The following ASTN2 variants were observed in gnomAD, a reference collection of about 807,000 sequenced individuals.
ASTN2 encodes astrotactin 2.
In ASTN2, 54 loss-of-function variants were observed where a neutral mutation model predicts 139.8. The observed-to-expected ratio is 0.39, with a 90% CI of 0.31 to 0.48. The LOEUF (loss-of-function observed/expected upper bound fraction) is 0.48, where lower values mean the gene tolerates loss of function less well. ASTN2 is among the 20% of genes least tolerant of loss of function. The pLI is 0.95. For missense variants in ASTN2, 1,565 were observed against 1,725.1 expected (o/e 0.91, Z 1.64); for synonymous variants, 756 against 719.5 (o/e 1.05, Z -0.81).
intron 10 of ASTN2, among the ~76,000 whole-genome samples, chr9:116,864,252 T>C (rs1588365044): frequency 2.0e-5 from 3 of 152,308 alleles, no homozygotes; most frequent in Non-Finnish European, 2.9e-5. Context: ...CCATGAAAGA[T>C]TGTGGGACTG....
chr9:117,145,101 C>T (rs1032002911), intron 3 of ASTN2, among the ~76,000 whole-genome samples: 10 of 152,060 alleles, frequency 6.6e-5, no homozygotes, highest in Non-Finnish European at 1.0e-4. Flanking sequence ...AGGTAATAAG[C>T]ATAGTACTTG....
chr9:117,192,396 A>AAAAAAAAAAG (rs1296797814), intron 3 of ASTN2, among the ~76,000 whole-genome samples: 108 of 152,264 alleles, frequency 7.1e-4, no homozygotes, highest in African/African-American at 2.6e-3. Flanking sequence ...GCAAAGAAAA[A>AAAAAAAAAAG]AAAGAAAACT....
intron 19 of ASTN2, chr9:116,586,165 T>C (rs1180076270): frequency 6.6e-6 from 1 of 152,212 alleles, no homozygotes; most frequent in African/African-American, 2.4e-5. Flanking sequence ...GATGAGGCTG[T>C]ACAGAAAGGG....
At chr9:116,979,559 T>C (rs1327590019) in intron 7 of ASTN2, among the ~76,000 whole-genome samples, 12 of 152,068 alleles carry the variant, frequency 7.9e-5, no homozygotes, top group Admixed American at 5.9e-4. Context: ...AATGCAACAG[T>C]CCCTTCATGA....
intron 1 of ASTN2, among the ~76,000 whole-genome samples, chr9:117,293,004 T>A (rs1834633172): frequency 1.3e-5 from 2 of 152,084 alleles, no homozygotes; most frequent in Non-Finnish European, 2.9e-5. Flanking sequence ...AAATGTTAGC[T>A]ACGAATTTTT....
At chr9:116,610,448 T>C (rs1318627693) in intron 19 of ASTN2, among the ~76,000 whole-genome samples, 1 of 151,932 alleles carries the variant, frequency 6.6e-6, no homozygotes, top group Non-Finnish European at 1.5e-5. Context: ...CTACTAAAAA[T>C]ACAAAAATTA....
chr9:116,756,504 C>T lies in ASTN2; in HGVS notation c.2397-22981G>A, dbSNP rs1329328045. Among the ~76,000 whole-genome samples, 3 of 152,114 alleles carry T rather than the reference C, an allele frequency of 2.0e-5. No individual in the cohort carries two copies. The East Asian group carries it at 5.8e-4, about 29-fold the overall frequency. ...TTTCTGTCATTAATTGTTTGTGGCT[C>T]TCCAGTAATTCCAAGTCTAACAGAT... On this transcript the variant is annotated intron_variant, in intron 13 of 22. Transcript: ENST00000313400.
chr9:116,961,171 C>T lies in ASTN2; in HGVS notation c.1889+14037G>A, dbSNP rs575176199. 7.9e-5 allele frequency among the ~76,000 whole-genome samples: 12 copies of T among 151,426 alleles called. 2 individuals carry two copies. The East Asian group carries it at 2.3e-3, about 30-fold the overall frequency. On this transcript the variant is annotated intron_variant, in intron 10 of 22. Transcript: ENST00000313400. ...AAAACCATTCTTTTTTCTCTTATTT[C>T]TTCCCCCCACCCAGCCCCCCACCAT...
intron 6 of ASTN2, among the ~76,000 whole-genome samples, chr9:117,012,968 G>T (rs538913547): frequency 3.3e-5 from 5 of 152,186 alleles, no homozygotes; most frequent in Non-Finnish European, 4.4e-5. Context: ...AGCCCAGAAA[G>T]GAAGATCAGA....
chr9:116,827,922 C>T (rs1831683367), intron 11 of ASTN2, among the ~76,000 whole-genome samples: 1 of 77,834 alleles, frequency 1.3e-5, no homozygotes, highest in Admixed American at 2.0e-4. Context: ...CAAAACCATA[C>T]AAGGAAATAA....
chr9:117,386,407 G>T (rs1332733605), intron 1 of ASTN2, among the ~76,000 whole-genome samples: 1 of 152,166 alleles, frequency 6.6e-6, no homozygotes, highest in Non-Finnish European at 1.5e-5. Flanking sequence ...TACCCATTCT[G>T]CTGCCATGGT....
chr9:117,406,596 C>A lies in ASTN2; in HGVS notation c.442+7901G>T, dbSNP rs930478912. 1.3e-5 allele frequency among the ~76,000 whole-genome samples: 2 copies of A among 152,100 alleles called. 1 individual carries two copies. The highest frequency in any genetic ancestry group is 1.3e-4 in the Admixed American group (2 of 15,274). ...TAGATAATCAGCTAGGATTATCTAG[C>A]TAGGAGCTGTTCTCCGCCTGGAATG... is the stretch of plus-strand genomic sequence containing the variant. On this transcript the variant is annotated intron_variant, in intron 1 of 22. Transcript: ENST00000313400.
chr9:117,263,206 C>G (rs1174080734), intron 2 of ASTN2, among the ~76,000 whole-genome samples: 1 of 152,082 alleles, frequency 6.6e-6, no homozygotes, highest in Admixed American at 6.5e-5. Context: ...CTCTTTTTCC[C>G]TAATGATACT....
rs145615248 is a variant in ASTN2 at position 117,130,015 on chromosome 9, C to A, written c.1168+11311G>T. ...TATAACTGAATTTTGTTTAATATATCCTATCACAGGGCCAGGCATGGTGGC... is the reference window on the plus strand; with the variant it reads ...TATAACTGAATTTTGTTTAATATATACTATCACAGGGCCAGGCATGGTGGC... On this transcript the variant is annotated intron_variant, in intron 4 of 22. Transcript: ENST00000313400. 7.5e-3 allele frequency among the ~76,000 whole-genome samples: 1,142 copies of A among 152,152 alleles called. 14 individuals carry two copies. Among genetic ancestry groups the A allele is most frequent in the African/African-American group, 0.026 (1,073 of 41,520 alleles).
intron 1 of ASTN2, among the ~76,000 whole-genome samples, chr9:117,352,817 A>C (rs1829427164): frequency 6.6e-6 from 1 of 152,190 alleles, no homozygotes; most frequent in Admixed American, 6.5e-5. Context: ...CATACAATGG[A>C]ATACCATTTA....
At chr9:117,123,137 C>T (rs1456134008) in intron 4 of ASTN2, among the ~76,000 whole-genome samples, 2 of 152,070 alleles carry the variant, frequency 1.3e-5, no homozygotes, top group Non-Finnish European at 2.9e-5. Context: ...CATCAGGCTC[C>T]ACCCTACAGT....
chr9:116,896,944 G>T (rs1833894155), intron 10 of ASTN2, among the ~76,000 whole-genome samples: 1 of 152,128 alleles, frequency 6.6e-6, no homozygotes, highest in Non-Finnish European at 1.5e-5. Context: ...TTAATGAGGG[G>T]GCTACCAGGT....
chr9:116,430,363 T>C (rs1847458002), intron 22 of ASTN2, among the ~76,000 whole-genome samples: 1 of 152,218 alleles, frequency 6.6e-6, no homozygotes, highest in Admixed American at 6.5e-5. Context: ...GTGTTGGCTC[T>C]AGAATCTCAG....
At chr9:116,625,930 G>A (rs1320074337) in intron 17 of ASTN2, among the ~76,000 whole-genome samples, 3 of 151,940 alleles carry the variant, frequency 2.0e-5, no homozygotes, top group Non-Finnish European at 4.4e-5. Context: ...GCTTATTTGT[G>A]TGTCCTCGCC....
Sources: allele counts gnomAD v4.1 joint callset (sites outside exome capture counted in the v4.1 genomes callset), GRCh38; gene constraint gnomAD v4.1.1; transcripts MANE v1.5; gene names NCBI Gene and HGNC (gene_info 2026-07-23, HGNC 2026-07-21).